The following TLL2 variants were observed in gnomAD, a reference collection of about 807,000 sequenced individuals.
TLL2 encodes the protein tolloid like 2.
TLL2 carries 106 observed loss-of-function variants against 123.0 expected under a neutral mutation model. That is an observed-to-expected ratio of 0.86 (90% CI 0.74 to 1.01). The LOEUF (loss-of-function observed/expected upper bound fraction) is 1.01. Among genes scored for constraint, TLL2 ranks in the 50% least tolerant of loss-of-function variants. The pLI is 0.00. For synonymous variants in TLL2, 494 were observed against 516.8 expected (o/e 0.96, Z 0.60); for missense variants, 1,332 against 1,336.7 (o/e 1.00, Z 0.06).
At chr10:96,400,042 A>C (rs1295644893) in intron 10 of TLL2, among the ~76,000 whole-genome samples, 1 of 152,182 alleles carries the variant, frequency 6.6e-6, no homozygotes, top group Non-Finnish European at 1.5e-5. Context: ...TGTCACTCTT[A>C]ACTAGAATCC....
chr10:96,368,056 T>C lies in TLL2; in HGVS notation c.*32A>G. The C allele has an allele frequency of 1.9e-6, 3 of 1,609,406 alleles. No individual in the cohort carries two copies. The highest frequency in any genetic ancestry group is 1.3e-5 in the African/African-American group (1 of 74,744). ...TAAAAACAAAACAAAACAAAAAAAA[T>C]TCTCAGTTTCTGTCTTTCAAGAACA... is the stretch of plus-strand genomic sequence containing the variant. On this transcript the variant is annotated 3_prime_UTR_variant, in exon 21 of 21. Coordinates refer to ENST00000357947, the MANE Select transcript of TLL2 (RefSeq NM_012465.4).
intron 1 of TLL2, among the ~76,000 whole-genome samples, chr10:96,507,456 T>C (rs762289996): frequency 1.3e-5 from 2 of 152,084 alleles, no homozygotes; most frequent in Non-Finnish European, 2.9e-5. Flanking sequence ...ACCCTAACTA[T>C]ACTAGATGAA....
intron 6 of TLL2, 96 bp downstream of exon 6, chr10:96,422,452 CT>C: frequency 3.5e-6 from 5 of 1,417,804 alleles, no homozygotes; most frequent in Non-Finnish European, 3.9e-6. Flanking sequence ...GTTAGCATTG[CT>C]CAGCTCCCAG....
At chr10:96,402,521 C>T (rs1846406186) in intron 10 of TLL2, among the ~76,000 whole-genome samples, 1 of 152,226 alleles carries the variant, frequency 6.6e-6, no homozygotes, top group African/African-American at 2.4e-5. Context: ...ACAGTGCTAC[C>T]TGTAAAGCCA....
chr10:96,402,482 T>C (rs545883479), intron 10 of TLL2, among the ~76,000 whole-genome samples: 129 of 152,360 alleles, frequency 8.5e-4, no homozygotes, highest in Non-Finnish European at 1.9e-4. Flanking sequence ...CTACTGGGAA[T>C]CCAGCCCTCT....
chr10:96,371,319 TC>T (rs1219092339), intron 19 of TLL2, among the ~76,000 whole-genome samples: 4 of 126,676 alleles, frequency 3.2e-5, no homozygotes, highest in Non-Finnish European at 5.1e-5. Context: ...AAACTCCGTA[TC>T]AAAAAAAAAA....
At chr10:96,470,399 T>G (rs373784676) in intron 2 of TLL2, among the ~76,000 whole-genome samples, 1 of 152,200 alleles carries the variant, frequency 6.6e-6, no homozygotes, top group East Asian at 1.9e-4. Flanking sequence ...CTGACACCAC[T>G]GATGTGCCCA....
intron 16 of TLL2, among the ~76,000 whole-genome samples, chr10:96,382,217 G>T (rs968471095): frequency 6.6e-6 from 1 of 152,212 alleles, no homozygotes; most frequent in African/African-American, 2.4e-5. Flanking sequence ...TTTTAGTAGA[G>T]ACGGGGTTTC....
At chr10:96,460,414 T>C (rs949545068) in intron 2 of TLL2, among the ~76,000 whole-genome samples, 1 of 152,174 alleles carries the variant, frequency 6.6e-6, no homozygotes, top group Non-Finnish European at 1.5e-5. Flanking sequence ...GAGGGATCAG[T>C]CCTCATGAAT....
chr10:96,394,643 C>T (rs1846320083), intron 13 of TLL2, among the ~76,000 whole-genome samples: 1 of 152,176 alleles, frequency 6.6e-6, no homozygotes, highest in Admixed American at 6.5e-5. Context: ...TGGGTTGCCT[C>T]TCTGGCCCAC....
chr10:96,388,181 A>G (rs1396639690), intron 13 of TLL2, among the ~76,000 whole-genome samples: 2 of 152,158 alleles, frequency 1.3e-5, no homozygotes, highest in African/African-American at 4.8e-5. Context: ...AGGCGGGTGG[A>G]TCACAAGGTC....
At chr10:96,487,055 C>T (rs1446748437) in intron 1 of TLL2, among the ~76,000 whole-genome samples, 1 of 152,194 alleles carries the variant, frequency 6.6e-6, no homozygotes, top group African/African-American at 2.4e-5. Flanking sequence ...TCATTAAAAG[C>T]ATGTACTTTT....
intron 12 of TLL2, 117 bp downstream of exon 12, chr10:96,395,758 G>C: frequency 7.5e-7 from 1 of 1,338,152 alleles, no homozygotes; most frequent in Non-Finnish European, 1.0e-6. Flanking sequence ...CTATGGGCTT[G>C]AGAATAGCCT....
chr10:96,477,504 A>T (rs1402650099), intron 2 of TLL2, among the ~76,000 whole-genome samples: 1 of 151,950 alleles, frequency 6.6e-6, no homozygotes, highest in African/African-American at 2.4e-5. Context: ...GTGAATGCCC[A>T]GCTCCCCACT....
At chr10:96,480,591 C>T (rs1847303274) in intron 1 of TLL2, 132 bp from the exon 2 acceptor site, 2 of 710,284 alleles carry the variant, frequency 2.8e-6, no homozygotes, top group Non-Finnish European at 5.0e-6. Context: ...AAAATTTCTC[C>T]TTGAGCCTAA....
rs1461503199 is a variant in TLL2, at chr10:96,418,214, GA to G, written c.923+2741del. Among the ~76,000 whole-genome samples, 25 of 150,952 alleles carry G rather than the reference GA, an allele frequency of 1.7e-4. No homozygotes were observed. The South Asian group carries it at 2.9e-3, about 18-fold the overall frequency. On this transcript the variant is annotated intron_variant, in intron 7 of 20. Transcript: ENST00000357947. ...ATGGTATTATGAGCTAGCAATCCTA[GA>G]AAAAAAAATACATATATATATTTCA...
At chr10:96,409,750 C>T (rs1478048859) in intron 9 of TLL2, among the ~76,000 whole-genome samples, 1 of 152,188 alleles carries the variant, frequency 6.6e-6, no homozygotes, top group Non-Finnish European at 1.5e-5. Flanking sequence ...CCAGGTCCTA[C>T]GCCACACTCC....
chr10:96,384,129 G>C (rs1846208866), intron 16 of TLL2, among the ~76,000 whole-genome samples: 1 of 152,082 alleles, frequency 6.6e-6, no homozygotes, highest in African/African-American at 2.4e-5. Flanking sequence ...AGGAAAAGGA[G>C]GGGACACAGA....
At chr10:96,424,896 T>C (rs1381940687) in intron 5 of TLL2, among the ~76,000 whole-genome samples, 1 of 152,084 alleles carries the variant, frequency 6.6e-6, no homozygotes, top group Non-Finnish European at 1.5e-5. Context: ...TCTTGTTTCC[T>C]TCCTATACTC....
Sources: allele counts gnomAD v4.1 joint callset (sites outside exome capture counted in the v4.1 genomes callset), GRCh38; gene constraint gnomAD v4.1.1; transcripts MANE v1.5; gene names NCBI Gene and HGNC (gene_info 2026-07-23, HGNC 2026-07-21).